KCNA1: variants seen among roughly 807,000 people sequenced by gnomAD.
KCNA1 encodes potassium voltage-gated channel subfamily A member 1, also known as potassium channel, voltage gated shaker related subfamily A, member 1.
Under a neutral mutation model 28.8 loss-of-function variants are expected in KCNA1, and 19 were observed. That is an observed-to-expected ratio of 0.66 (90% CI 0.46 to 0.97). The LOEUF (loss-of-function observed/expected upper bound fraction) is 0.97, where lower values mean the gene tolerates loss of function less well. Ranked by LOEUF, KCNA1 falls within the 50% of genes least tolerant of loss-of-function variation. KCNA1 has a pLI of 0.00. For synonymous variants in KCNA1, 311 were observed against 268.8 expected (o/e 1.16, Z -1.53); for missense variants, 419 against 659.7 (o/e 0.64, Z 4.00).
In KCNA1 at chr12:4,912,201, G is replaced by C; in HGVS notation, c.823G>C (p.Glu275Gln). The change falls in exon 2 of 2, where the codon GAG becomes CAG. Residue 275 changes from glutamate to glutamine, a missense_variant. Glu to Gln is a conservative substitution (Grantham distance 29). This residue lies in a region of KCNA1 where 217 missense variants were observed against 329.6 expected (regional missense o/e 0.66). Transcript: ENST00000382545. ...YFITLGTEIA[E>Q]QEGNQKGEQA... is the part of the protein sequence containing the mutation. The stretch of plus-strand genomic sequence containing the variant: ...CATCACGCTGGGCACCGAGATAGCT[G>C]AGCAGGAAGGAAACCAGAAGGGCGA... The C allele has an allele frequency of 1.2e-6, 2 of 1,612,948 alleles. No homozygotes were observed. Among genetic ancestry groups the C allele is most frequent in the Non-Finnish European group, 1.7e-6 (2 of 1,179,688 alleles).
rs147644839 is a variant in KCNA1, at chr12:4,914,946, G to T, written c.*2080G>T. 6.0e-6 allele frequency: 1 copy of T among 167,162 alleles called. No individual in the cohort carries two copies. Among genetic ancestry groups the T allele is most frequent in the South Asian group, 2.1e-4 (1 of 4,816 alleles). 10.4% of individuals were successfully genotyped at this position (167,162 alleles called of 1,614,324 possible). A position where few individuals can be genotyped will look rare whatever the true frequency, so the allele number is the denominator to read the frequency against. On this transcript the variant is annotated 3_prime_UTR_variant, in exon 2 of 2. Transcript: ENST00000382545. ...ACCTTTCCTTATTTTTTTCTCTGTC[G>T]GTAACAGCACTTTGCAAATCTCTCT...
rs1379517778 is a variant in KCNA1, at chr12:4,915,364, AC to A, written c.*2502del. On this transcript the variant is annotated 3_prime_UTR_variant, in exon 2 of 2. Coordinates refer to ENST00000382545, the MANE Select transcript of KCNA1 (RefSeq NM_000217.3). The stretch of plus-strand genomic sequence containing the variant: ...TCTGAAAATCTGTCCTGCTTCTCCC[AC>A]CCCTTTCCCCCATCCTGTCCTAGAA... 6.0e-6 allele frequency: 1 copy of A among 166,376 alleles called. No individual in the cohort carries two copies. The highest frequency in any genetic ancestry group is 1.5e-5 in the Non-Finnish European group (1 of 68,030). 10.3% of individuals were successfully genotyped at this position (166,376 alleles called of 1,614,324 possible).
In KCNA1 at chr12:4,916,974, A is replaced by C. The variant is rs1399432531; in HGVS notation, c.*4108A>C. The C allele has an allele frequency of 2.4e-5, 4 of 167,068 alleles. No homozygotes were observed. Among genetic ancestry groups the C allele is most frequent in the Non-Finnish European group, 5.9e-5 (4 of 68,114 alleles). 10.3% of individuals were successfully genotyped at this position (167,068 alleles called of 1,614,324 possible). A position where few individuals can be genotyped will look rare whatever the true frequency, so the allele number is the denominator to read the frequency against. The stretch of plus-strand genomic sequence containing the variant: ...AACACATGCTTTTTAACAATTTTAC[A>C]TTTTAATTCTTAGTTTGGTAGATTG... On this transcript the variant is annotated 3_prime_UTR_variant, in exon 2 of 2. Coordinates refer to ENST00000382545, the MANE Select transcript of KCNA1 (RefSeq NM_000217.3).
At position 4,912,380 on chromosome 12, in the gene KCNA1, C is replaced by T; in HGVS notation, c.1002C>T (p.Phe334=). 2.5e-6 allele frequency: 4 copies of T among 1,614,018 alleles called. No homozygotes were observed. The highest frequency in any genetic ancestry group is 3.4e-6 in the Non-Finnish European group (4 of 1,180,012). ...TAGGGCTGCTCATCTTTTTCCTCTT[C>T]ATCGGGGTCATCCTGTTTTCTAGTG... ...RELGLLIFFL[F]IGVILFSSAV... Residue 334 remains phenylalanine, a synonymous_variant, in exon 2 of 2, where the codon TTC becomes TTT. Coordinates refer to ENST00000382545, the MANE Select transcript of KCNA1 (RefSeq NM_000217.3).
Position 4,913,747 on chromosome 12 carries a change from A to G in KCNA1, c.*881A>G, listed in dbSNP as rs1340985082. The G allele has an allele frequency of 6.0e-6, 1 of 167,022 alleles. No individual in the cohort carries two copies. Among genetic ancestry groups the G allele is most frequent in the African/African-American group, 2.4e-5 (1 of 41,454 alleles). The allele number at this position is 167,022 out of a possible 1,614,324, so 10.3% of individuals were successfully genotyped here. On this transcript the variant is annotated 3_prime_UTR_variant, in exon 2 of 2. Coordinates refer to ENST00000382545, the MANE Select transcript of KCNA1 (RefSeq NM_000217.3). Reference sequence around the variant, plus strand: ...ATGTAAGCATGTTTGAATCTGATACAATTTATTTTATAATCGCATGCTGAG... The same window carrying G: ...ATGTAAGCATGTTTGAATCTGATACGATTTATTTTATAATCGCATGCTGAG...
chr12:4,911,273 C>A lies in KCNA1; in HGVS notation c.-106C>A. On this transcript the variant is annotated 5_prime_UTR_variant, in exon 2 of 2. Coordinates refer to ENST00000382545, the MANE Select transcript of KCNA1 (RefSeq NM_000217.3). The surrounding 1 kb of genome is among the most constrained non-coding windows in gnomAD (Gnocchi z 6.6). ...CCTCCCCCTGGGCGTGAGGGAGACG[C>A]GCGCTCCGGTGGGGGGGCCGCTTGG... The A allele has an allele frequency of 7.4e-6, 6 of 812,218 alleles. No homozygotes were observed. The South Asian group carries it at 9.7e-5, about 13-fold the overall frequency. 50.3% of individuals were successfully genotyped at this position (812,218 alleles called of 1,614,324 possible). A position where few individuals can be genotyped will look rare whatever the true frequency, so the allele number is the denominator to read the frequency against.
At position 4,911,383 on chromosome 12, in the gene KCNA1, C is replaced by CGGT; in HGVS notation, c.7_9dup (p.Val3dup). On this transcript the variant is annotated inframe_insertion, in exon 2 of 2. Transcript: ENST00000382545. The surrounding 1 kb of genome is among the most constrained non-coding windows in gnomAD (Gnocchi z 6.6). The stretch of plus-strand genomic sequence containing the variant: ...CCCCCGCGCCCGGCTTCCACCATGA[C>CGGT]GGTGATGTCTGGGGAGAACGTGGAC... 6.2e-7 allele frequency: 1 copy of CGGT among 1,612,212 alleles called. No individual in the cohort carries two copies. The highest frequency in any genetic ancestry group is 8.5e-7 in the Non-Finnish European group (1 of 1,179,732).
At position 4,914,669 on chromosome 12, in the gene KCNA1, C is replaced by A. The variant is rs1475706777; in HGVS notation, c.*1803C>A. The A allele has an allele frequency of 1.8e-5, 3 of 167,140 alleles. No homozygotes were observed. Among genetic ancestry groups the A allele is most frequent in the Non-Finnish European group, 4.4e-5 (3 of 68,178 alleles). 10.4% of individuals were successfully genotyped at this position (167,140 alleles called of 1,614,324 possible). A position where few individuals can be genotyped will look rare whatever the true frequency, so the allele number is the denominator to read the frequency against. Reference sequence around the variant, plus strand: ...CTCTCATTTCACCACTGTGAGAAGACCACACCACCCTAAACCCTGGAGAGG... The same window carrying A: ...CTCTCATTTCACCACTGTGAGAAGAACACACCACCCTAAACCCTGGAGAGG... On this transcript the variant is annotated 3_prime_UTR_variant, in exon 2 of 2. Transcript: ENST00000382545.
At position 4,911,417 on chromosome 12, in the gene KCNA1, G is replaced by T. The variant is rs767073909; in HGVS notation, c.39G>T (p.Ser13=). The stretch of plus-strand genomic sequence containing the variant: ...CTGGGGAGAACGTGGACGAGGCTTC[G>T]GCCGCCCCGGGCCACCCCCAGGATG... The part of the protein sequence containing the change: ...VMSGENVDEA[S]AAPGHPQDGS... The change falls in exon 2 of 2, where the codon TCG becomes TCT. Residue 13 remains serine, a synonymous_variant. Coordinates refer to ENST00000382545, the MANE Select transcript of KCNA1 (RefSeq NM_000217.3). The surrounding 1 kb of genome is among the most constrained non-coding windows in gnomAD (Gnocchi z 6.6). The T allele has an allele frequency of 6.2e-7, 1 of 1,613,044 alleles. No individual in the cohort carries two copies. Among genetic ancestry groups the T allele is most frequent in the African/African-American group, 1.3e-5 (1 of 74,910 alleles).
chr12:4,912,022 A>T lies in KCNA1; in HGVS notation c.644A>T (p.Asn215Ile), dbSNP rs762016621. The change falls in exon 2 of 2, where the codon AAC becomes ATC. Residue 215 changes from asparagine to isoleucine, a missense_variant. Physicochemically the swap from Asn to Ile is moderately radical, Grantham distance 149 (BLOSUM62 -3). Around this residue, in one of 4 missense-constraint regions of KCNA1, gnomAD observed 217 missense variants for 329.6 expected, o/e 0.66. Transcript: ENST00000382545. ...AACACCACGGTCATCTACAATTCCA[A>T]CATCTTCACAGACCCCTTCTTCATC... The part of the protein sequence containing the change: ...IDNTTVIYNS[N>I]IFTDPFFIVE... 1 of 1,614,104 alleles carries T rather than the reference A, an allele frequency of 6.2e-7. No individual in the cohort carries two copies. The highest frequency in any genetic ancestry group is 1.7e-5 in the Admixed American group (1 of 60,022).
rs886883095 is a variant in KCNA1 at position 4,910,110 on chromosome 12, G to A, written c.-902G>A. ...GGCTCCCATAGTGTTAGGAGGGGGC[G>A]AGAGTGCTGTTTATCGTCATTTGCC... On this transcript the variant is annotated 5_prime_UTR_variant, in exon 1 of 2. Coordinates refer to ENST00000382545, the MANE Select transcript of KCNA1 (RefSeq NM_000217.3). The surrounding 1 kb of genome is among the most constrained non-coding windows in gnomAD (Gnocchi z 4.9). The A allele has an allele frequency of 6.5e-6, 1 of 152,700 alleles. No homozygotes were observed. Among genetic ancestry groups the A allele is most frequent in the Admixed American group, 6.5e-5 (1 of 15,284 alleles). 9.5% of individuals were successfully genotyped at this position (152,700 alleles called of 1,614,324 possible).
At position 4,913,039 on chromosome 12, in the gene KCNA1, A is replaced by G; in HGVS notation, c.*173A>G. 1.5e-6 allele frequency: 1 copy of G among 647,552 alleles called. No individual in the cohort carries two copies. The highest frequency in any genetic ancestry group is 2.8e-6 in the Non-Finnish European group (1 of 357,076). The allele number at this position is 647,552 out of a possible 1,614,324, so 40.1% of individuals were successfully genotyped here. A position where few individuals can be genotyped will look rare whatever the true frequency, so the allele number is the denominator to read the frequency against. On this transcript the variant is annotated 3_prime_UTR_variant, in exon 2 of 2. Coordinates refer to ENST00000382545, the MANE Select transcript of KCNA1 (RefSeq NM_000217.3). ...TGCATTGAGGATTTTGGGGGTGGTG[A>G]ACCAGAAGCTTTCAAGATCCATGAC...
rs2137676839 is a variant in KCNA1 at position 4,915,616 on chromosome 12, A to T, written c.*2750A>T. 6.0e-6 allele frequency: 1 copy of T among 167,220 alleles called. No individual in the cohort carries two copies. The highest frequency in any genetic ancestry group is 2.1e-4 in the South Asian group (1 of 4,828). 10.4% of individuals were successfully genotyped at this position (167,220 alleles called of 1,614,324 possible). ...CTCCTTCTCGTCTGAACCTTAACTC[A>T]TTCTGGCGATTCCTTTCCTACTTGC... On this transcript the variant is annotated 3_prime_UTR_variant, in exon 2 of 2. Transcript: ENST00000382545.
rs1232075319 is a variant in KCNA1 at position 4,911,804 on chromosome 12, C to T, written c.426C>T (p.Arg142=). The T allele has an allele frequency of 1.2e-6, 2 of 1,613,846 alleles. No individual in the cohort carries two copies. Among genetic ancestry groups the T allele is most frequent in the Non-Finnish European group, 1.7e-6 (2 of 1,179,956 alleles). ...AGGGCTTCATCAAGGAGGAGGAGCG[C>T]CCTCTGCCCGAGAAGGAGTACCAGC... is the stretch of plus-strand genomic sequence containing the variant. ...EDEGFIKEEE[R]PLPEKEYQRQ... is the part of the protein sequence containing the mutation. The change falls in exon 2 of 2, where the codon CGC becomes CGT. Residue 142 remains arginine (R), a synonymous_variant. Transcript: ENST00000382545. This position sits in a 1 kb window ranked among gnomAD's most constrained non-coding sequence, Gnocchi z 6.6.
rs1380458542 is a variant in KCNA1, at chr12:4,914,995, TG to T, written c.*2130del. ...CTGACGGTCCAGTCTTTTCAGGCAT[TG>T]TTGTGGATGTGGGAACACTCAGTTC... On this transcript the variant is annotated 3_prime_UTR_variant, in exon 2 of 2. Transcript: ENST00000382545. The T allele has an allele frequency of 1.2e-5, 2 of 167,154 alleles. No individual in the cohort carries two copies. The highest frequency in any genetic ancestry group is 2.9e-5 in the Non-Finnish European group (2 of 68,216). The allele number at this position is 167,154 out of a possible 1,614,324, so 10.4% of individuals were successfully genotyped here. A position where few individuals can be genotyped will look rare whatever the true frequency, so the allele number is the denominator to read the frequency against.
rs569313930 is a variant in KCNA1, at chr12:4,917,884, T to G, written c.*5018T>G. On this transcript the variant is annotated 3_prime_UTR_variant, in exon 2 of 2. Transcript: ENST00000382545. ...ATGCAGCAGATGTAAGTAGACAACA[T>G]GGACTCCATGTGACATGCCTCTAAT... The G allele has an allele frequency of 6.0e-6, 1 of 167,200 alleles. No homozygotes were observed. The highest frequency in any genetic ancestry group is 2.1e-4 in the South Asian group (1 of 4,832). The allele number at this position is 167,200 out of a possible 1,614,324, so 10.4% of individuals were successfully genotyped here.
Position 4,915,084 on chromosome 12 carries a change from T to A in KCNA1, c.*2218T>A, listed in dbSNP as rs542909255. 2 of 167,324 alleles carry A rather than the reference T, an allele frequency of 1.2e-5. No individual in the cohort carries two copies. Among genetic ancestry groups the A allele is most frequent in the East Asian group, 3.9e-4 (2 of 5,192 alleles). 10.4% of individuals were successfully genotyped at this position (167,324 alleles called of 1,614,324 possible). A position where few individuals can be genotyped will look rare whatever the true frequency, so the allele number is the denominator to read the frequency against. ...CCTTTCAGATATTTCCTGATGCCCC[T>A]ATGATCTTCCCACCTGGCAGTCACT... is the stretch of plus-strand genomic sequence containing the variant. On this transcript the variant is annotated 3_prime_UTR_variant, in exon 2 of 2. Transcript: ENST00000382545.
rs1947347243 is a variant in KCNA1, at chr12:4,911,062, C to A, written c.-317C>A. 2.2e-6 allele frequency: 1 copy of A among 454,226 alleles called. No homozygotes were observed. The highest frequency in any genetic ancestry group is 2.0e-5 in the African/African-American group (1 of 50,480). The allele number at this position is 454,226 out of a possible 1,614,324, so 28.1% of individuals were successfully genotyped here. A position where few individuals can be genotyped will look rare whatever the true frequency, so the allele number is the denominator to read the frequency against. On this transcript the variant is annotated 5_prime_UTR_variant, in exon 2 of 2. Coordinates refer to ENST00000382545, the MANE Select transcript of KCNA1 (RefSeq NM_000217.3). This position sits in a 1 kb window ranked among gnomAD's most constrained non-coding sequence, Gnocchi z 6.6. The stretch of plus-strand genomic sequence containing the variant: ...GGCACTGCGTTAAGGCACCTGGGAT[C>A]AGGAAGAAATATCTAAACAACAACA...
At position 4,917,801 on chromosome 12, in the gene KCNA1, T is replaced by C. The variant is rs1371547702; in HGVS notation, c.*4935T>C. 1 of 167,086 alleles carries C rather than the reference T, an allele frequency of 6.0e-6. No individual in the cohort carries two copies. Among genetic ancestry groups the C allele is most frequent in the Non-Finnish European group, 1.5e-5 (1 of 68,132 alleles). The allele number at this position is 167,086 out of a possible 1,614,324, so 10.4% of individuals were successfully genotyped here. A position where few individuals can be genotyped will look rare whatever the true frequency, so the allele number is the denominator to read the frequency against. ...AATATTCCAGGTCAAAGTTGTCTCC[T>C]CTCCAAACCTTGCAGAAGCACCTTT... is the stretch of plus-strand genomic sequence containing the variant. On this transcript the variant is annotated 3_prime_UTR_variant, in exon 2 of 2. Transcript: ENST00000382545.
Sources: gnomAD v4.1 joint callset for allele counts on GRCh38, gnomAD v4.1.1 for gene constraint, gnomAD v4.1.1 regional missense constraint, Gnocchi (gnomAD v3.1) non-coding constraint, MANE v1.5 for transcripts, NCBI Gene and HGNC (gene_info 2026-07-23, HGNC 2026-07-21) for gene names.